Variants in PLPP3 observed in about 807,000 individuals in gnomAD.
PLPP3 encodes the protein PAP2 beta.
A neutral mutation model predicts 29.6 loss-of-function variants in PLPP3; 6 were observed. The observed-to-expected ratio is 0.20, with a 90% CI of 0.11 to 0.40. PLPP3 has a LOEUF of 0.40. Among genes scored for constraint, PLPP3 ranks in the 10% least tolerant of loss-of-function variants. The probability of loss-of-function intolerance (pLI) is 1.00; values close to 1 mark genes in which losing one functional copy is unlikely to be tolerated. For missense variants in PLPP3, 308 were observed against 407.7 expected, an observed-to-expected ratio of 0.76 and a Z score of 2.11; for synonymous variants, 152 against 159.7, an observed-to-expected ratio of 0.95 and a Z score of 0.36.
chr1:56,552,282 GC>G (rs1646045213), intron 1 of PLPP3, among the ~76,000 whole-genome samples: 1 of 151,502 alleles, frequency 6.6e-6, no homozygotes. Context: ...TCCGGGCCCT[GC>G]CCAGATCTAC....
intron 1 of PLPP3, among the ~76,000 whole-genome samples, chr1:56,577,624 C>A (rs1459917705): frequency 6.6e-6 from 1 of 152,160 alleles, no homozygotes; most frequent in African/African-American, 2.4e-5. Context: ...TCTGCAAAAT[C>A]TGCATGGACA....
rs1557513521 is a variant in PLPP3 at position 56,557,012 on chromosome 1, G to GGAAAGAAAGAAA, written c.140-19901_140-19900insTTTCTTTCTTTC. ...AAAGAAAGAAAGAAAGAAAGAAAGA[G>GGAAAGAAAGAAA]AGAGAGAGAGAGAAAGAGAGAGAGA... On this transcript the variant is annotated intron_variant, in intron 1 of 5. Coordinates refer to ENST00000371250, the MANE Select transcript of PLPP3 (RefSeq NM_003713.5). Among the ~76,000 whole-genome samples the GGAAAGAAAGAAA allele has an allele frequency of 1.4e-3, 13 of 9,118 alleles. 1 individual carries two copies. The highest frequency in any genetic ancestry group is 4.4e-3 in the Admixed American group (3 of 688). 6.0% of individuals were successfully genotyped at this position (9,118 alleles called of 152,430 possible).
At chr1:56,554,428 C>T (rs182509538) in intron 1 of PLPP3, among the ~76,000 whole-genome samples, 1,908 of 151,930 alleles carry the variant, frequency 0.013, 41 homozygotes, top group African/African-American at 0.043. Flanking sequence ...AAAAATGAGC[C>T]GGGCGTGTTG....
intron 5 of PLPP3, 55 bp from the exon 6 acceptor site, chr1:56,496,731 C>T: frequency 1.3e-6 from 2 of 1,599,572 alleles, no homozygotes; most frequent in Non-Finnish European, 1.7e-6. Flanking sequence ...GGTCTGGGTA[C>T]AGAGGGAAAA....
intron 2 of PLPP3, among the ~76,000 whole-genome samples, chr1:56,527,409 G>C (rs954984788): frequency 6.6e-6 from 1 of 152,158 alleles, no homozygotes; most frequent in African/African-American, 2.4e-5. Context: ...CTTTTCTGAA[G>C]GATTTGAGGC....
intron 2 of PLPP3, 102 bp downstream of exon 2, chr1:56,536,853 G>A: frequency 7.6e-6 from 11 of 1,441,550 alleles, no homozygotes; most frequent in Non-Finnish European, 1.0e-5. Context: ...GAGAAAGTTG[G>A]CTTCTACTTG....
At chr1:56,530,498 T>C (rs2100257870) in intron 2 of PLPP3, among the ~76,000 whole-genome samples, 1 of 152,296 alleles carries the variant, frequency 6.6e-6, no homozygotes, top group Admixed American at 6.5e-5. Context: ...TCACTTCTCT[T>C]CCCTCTAGTT....
At position 56,566,308 on chromosome 1, in the gene PLPP3, G is replaced by T. The variant is rs899512646; in HGVS notation, c.139+12570C>A. ...TGGAGAATATAGGCAGTAGGGCCTA[G>T]TAGTTAAGAATGACCTCACCAGGCA... On this transcript the variant is annotated intron_variant, in intron 1 of 5. Transcript: ENST00000371250. 7.9e-5 allele frequency among the ~76,000 whole-genome samples: 12 copies of T among 152,196 alleles called. No individual in the cohort carries two copies. In the East Asian group the frequency reaches 9.6e-4, roughly 12 times the overall value.
chr1:56,564,103 A>G (rs1321012246), intron 1 of PLPP3, among the ~76,000 whole-genome samples: 1 of 152,230 alleles, frequency 6.6e-6, no homozygotes, highest in Non-Finnish European at 1.5e-5. Context: ...TTCTTGGAGG[A>G]AAGAGCATAG....
chr1:56,566,372 A>G (rs1462333965), intron 1 of PLPP3, among the ~76,000 whole-genome samples: 1 of 152,114 alleles, frequency 6.6e-6, no homozygotes, highest in Non-Finnish European at 1.5e-5. Context: ...TCACTGCACC[A>G]CCTTTGGTAA....
intron 1 of PLPP3, among the ~76,000 whole-genome samples, chr1:56,542,573 T>C (rs1020404060): frequency 2.6e-5 from 4 of 152,110 alleles, no homozygotes; most frequent in African/African-American, 9.7e-5. Flanking sequence ...AAACAATCCA[T>C]AGTCATTATA....
intron 1 of PLPP3, among the ~76,000 whole-genome samples, chr1:56,538,243 G>A (rs1645941355): frequency 6.6e-6 from 1 of 152,130 alleles, no homozygotes; most frequent in African/African-American, 2.4e-5. Context: ...AAGCCTCCAA[G>A]AAACCAGTAC....
At chr1:56,550,713 C>T (rs1490879638) in intron 1 of PLPP3, among the ~76,000 whole-genome samples, 1 of 151,908 alleles carries the variant, frequency 6.6e-6, no homozygotes, top group African/African-American at 2.4e-5. Flanking sequence ...CTCTGCCCAT[C>T]CTCCTCCTCC....
chr1:56,552,087 TTTTG>T (rs1646043449), intron 1 of PLPP3, among the ~76,000 whole-genome samples: 2 of 152,262 alleles, frequency 1.3e-5, no homozygotes, highest in South Asian at 2.1e-4. Context: ...GCACACTGGT[TTTTG>T]TTTGTTTGTT....
rs547525136 is a variant in PLPP3, at chr1:56,529,022, C to T, written c.298-4468G>A. On this transcript the variant is annotated intron_variant, in intron 2 of 5. Coordinates refer to ENST00000371250, the MANE Select transcript of PLPP3 (RefSeq NM_003713.5). ...CAGAGACTGAGAACTCATCTTCCAC[C>T]GCTGAGTCTGAAGGACAAACTTTCC... 8.6e-4 allele frequency among the ~76,000 whole-genome samples: 130 copies of T among 151,844 alleles called. 1 individual carries two copies. Among genetic ancestry groups the T allele is most frequent in the Non-Finnish European group, 1.4e-3 (96 of 67,962 alleles).
chr1:56,520,722 C>T (rs895577328), intron 4 of PLPP3, among the ~76,000 whole-genome samples: 11 of 151,402 alleles, frequency 7.3e-5, no homozygotes, highest in Non-Finnish European at 1.5e-4. Flanking sequence ...ACCAGCCTGG[C>T]CAACATGGTG....
chr1:56,569,993 G>A (rs558998243), intron 1 of PLPP3, among the ~76,000 whole-genome samples: 1 of 152,262 alleles, frequency 6.6e-6, no homozygotes, highest in East Asian at 1.9e-4. Flanking sequence ...CCTCCCTTAA[G>A]GCTCCAAAGT....
intron 5 of PLPP3, among the ~76,000 whole-genome samples, chr1:56,498,268 C>A (rs983203334): frequency 2.6e-5 from 4 of 152,128 alleles, no homozygotes; most frequent in Admixed American, 2.0e-4. Context: ...ACTTGAGGAT[C>A]AGGAAAGAAA....
chr1:56,550,903 G>A (rs185591010), intron 1 of PLPP3, among the ~76,000 whole-genome samples: 114 of 152,242 alleles, frequency 7.5e-4, no homozygotes, highest in African/African-American at 2.6e-3. Flanking sequence ...GAAAAGAAGT[G>A]GAAGAATCCC....
Sources: gnomAD v4.1 joint callset for allele counts (sites outside exome capture counted in the v4.1 genomes callset) on GRCh38, gnomAD v4.1.1 for gene constraint, MANE v1.5 for transcripts, NCBI Gene and HGNC (gene_info 2026-07-23, HGNC 2026-07-21) for gene names.